Variants in NEGR1 observed in about 807,000 individuals in gnomAD.
The protein encoded by NEGR1 is IgLON family member 4.
Under a neutral mutation model 40.9 loss-of-function variants are expected in NEGR1, and 10 were observed. That is an observed-to-expected ratio of 0.24 (90% confidence interval 0.15 to 0.42). The LOEUF (loss-of-function observed/expected upper bound fraction) is 0.42, where lower values mean the gene tolerates loss of function less well. NEGR1 is among the 10% of genes least tolerant of loss of function. NEGR1 has a pLI of 1.00. For synonymous variants in NEGR1, 185 were observed against 166.8 expected, an observed-to-expected ratio of 1.11 and a Z score of -0.84; for missense variants, 352 against 438.9, an observed-to-expected ratio of 0.80 and a Z score of 1.77.
At chr1:72,253,352 A>G (rs1382667752) in intron 1 of NEGR1, among the ~76,000 whole-genome samples, 1 of 152,220 alleles carries the variant, frequency 6.6e-6, no homozygotes, top group Non-Finnish European at 1.5e-5. Flanking sequence ...GATGCCCAGA[A>G]GCTCAGGCAG....
At chr1:71,943,281 A>G (rs1229764592) in intron 1 of NEGR1, among the ~76,000 whole-genome samples, 1 of 150,100 alleles carries the variant, frequency 6.7e-6, no homozygotes, top group Non-Finnish European at 1.5e-5. Context: ...ACATATATAC[A>G]CATGTATCAT....
At chr1:71,864,873 A>C (rs916044621) in intron 2 of NEGR1, among the ~76,000 whole-genome samples, 5 of 152,218 alleles carry the variant, frequency 3.3e-5, no homozygotes, top group Non-Finnish European at 7.3e-5. Flanking sequence ...GGCTTTATAC[A>C]GCAAGTTGAA....
At chr1:71,594,974 T>C (rs1253370318) in intron 5 of NEGR1, among the ~76,000 whole-genome samples, 2 of 152,246 alleles carry the variant, frequency 1.3e-5, no homozygotes, top group Non-Finnish European at 2.9e-5. Context: ...GGCCTTCAAC[T>C]GGCTAGACCC....
chr1:72,129,871 C>T (rs940825963), intron 1 of NEGR1, among the ~76,000 whole-genome samples: 3 of 152,108 alleles, frequency 2.0e-5, no homozygotes, highest in African/African-American at 7.2e-5. Flanking sequence ...CAAAATACAA[C>T]CACTTTTCAC....
intron 2 of NEGR1, among the ~76,000 whole-genome samples, chr1:71,808,886 A>G (rs1432218791): frequency 1.3e-5 from 2 of 152,164 alleles, no homozygotes; most frequent in Admixed American, 6.6e-5. Context: ...CATAAATGAC[A>G]CTAACAACAC....
At chr1:72,159,589 A>T in intron 1 of NEGR1, among the ~76,000 whole-genome samples, 1 of 152,154 alleles carries the variant, frequency 6.6e-6, no homozygotes, top group East Asian at 1.9e-4. Context: ...CACAAATTAA[A>T]ATATTTGGTT....
chr1:71,879,152 C>G (rs1365043859), intron 2 of NEGR1, among the ~76,000 whole-genome samples: 1 of 149,428 alleles, frequency 6.7e-6, no homozygotes, highest in African/African-American at 2.5e-5. Flanking sequence ...AAAAAAATAG[C>G]AACAAGGATA....
At chr1:72,072,640 G>A (rs1647517325) in intron 1 of NEGR1, among the ~76,000 whole-genome samples, 1 of 152,096 alleles carries the variant, frequency 6.6e-6, no homozygotes, top group Non-Finnish European at 1.5e-5. Flanking sequence ...TAATGGGTTT[G>A]ATCTAGCCTC....
Position 71,992,091 on chromosome 1 carries a change from G to A in NEGR1, c.177-56780C>T, listed in dbSNP as rs140517751. Among the ~76,000 whole-genome samples, 505 of 152,004 alleles carry A rather than the reference G, an allele frequency of 3.3e-3. 6 individuals carry two copies. The highest frequency in any genetic ancestry group is 0.011 in the African/African-American group (465 of 41,456). On this transcript the variant is annotated intron_variant, in intron 1 of 6. Coordinates refer to ENST00000357731, the MANE Select transcript of NEGR1 (RefSeq NM_173808.3). ...ATTACAGGTGTGAGCCGCTGTGCCC[G>A]GGCATGAGTTTACTATTAAATATAT...
Position 71,476,372 on chromosome 1 carries a change from C to G in NEGR1, c.941-68802G>C, listed in dbSNP as rs148889422. The stretch of plus-strand genomic sequence containing the variant: ...CAATATATGACTATTCACATTTTAT[C>G]TGGTGTGTAAATAATGTAACCTTTT... On this transcript the variant is annotated intron_variant, in intron 6 of 6. Transcript: ENST00000357731. 3.0e-4 allele frequency among the ~76,000 whole-genome samples: 46 copies of G among 152,200 alleles called. No homozygotes were observed. In the Middle Eastern group the frequency reaches 0.01, roughly 34 times the overall value.
chr1:71,429,432 T>C (rs1007563750), intron 6 of NEGR1, among the ~76,000 whole-genome samples: 2 of 152,204 alleles, frequency 1.3e-5, no homozygotes, highest in African/African-American at 2.4e-5. Flanking sequence ...AAAATCCTTA[T>C]TGATAAAAGA....
chr1:72,128,621 G>T (rs983523383), intron 1 of NEGR1, among the ~76,000 whole-genome samples: 1 of 152,038 alleles, frequency 6.6e-6, no homozygotes, highest in Non-Finnish European at 1.5e-5. Flanking sequence ...ATTTTACAAA[G>T]AGTCATAAAT....
intron 3 of NEGR1, among the ~76,000 whole-genome samples, chr1:71,720,703 T>C (rs1022024129): frequency 6.6e-6 from 1 of 152,142 alleles, no homozygotes; most frequent in Non-Finnish European, 1.5e-5. Context: ...AAGGAACTCA[T>C]AGCGAGAGAA....
intron 1 of NEGR1, among the ~76,000 whole-genome samples, chr1:72,232,770 T>A (rs1474976953): frequency 2.0e-5 from 3 of 152,132 alleles, no homozygotes; most frequent in Non-Finnish European, 4.4e-5. Context: ...TAAAACAATA[T>A]AGGTCATTAG....
intron 3 of NEGR1, among the ~76,000 whole-genome samples, chr1:71,705,879 G>T (rs982483489): frequency 6.6e-6 from 1 of 151,838 alleles, no homozygotes; most frequent in Non-Finnish European, 1.5e-5. Context: ...AAGGAAGGAA[G>T]CAAGGAAGGA....
At chr1:71,513,868 CACCGTGCGCGA>C (rs772091865) in intron 6 of NEGR1, among the ~76,000 whole-genome samples, 18 of 148,994 alleles carry the variant, frequency 1.2e-4, no homozygotes, top group Non-Finnish European at 2.5e-4. Context: ...TGTGTGTGCG[CACCGTGCGCGA>C]GCCGAAGCAG....
intron 6 of NEGR1, among the ~76,000 whole-genome samples, chr1:71,489,089 C>T (rs1264451393): frequency 6.6e-6 from 1 of 151,632 alleles, no homozygotes; most frequent in East Asian, 1.9e-4. Context: ...ACTTCTTCCT[C>T]ATTGTATGTA....
intron 4 of NEGR1, among the ~76,000 whole-genome samples, chr1:71,625,762 C>A (rs1650753500): frequency 6.6e-6 from 1 of 151,842 alleles, no homozygotes; most frequent in Admixed American, 6.6e-5. Flanking sequence ...TGGACCACTG[C>A]TGGACATATC....
At chr1:71,934,243 A>G (rs1335198883) in intron 2 of NEGR1, among the ~76,000 whole-genome samples, 1 of 152,134 alleles carries the variant, frequency 6.6e-6, no homozygotes, top group Non-Finnish European at 1.5e-5. Context: ...AACGTTTTCC[A>G]TTCTCCTAGC....
Sources: allele counts gnomAD v4.1 joint callset (sites outside exome capture counted in the v4.1 genomes callset), GRCh38; gene constraint gnomAD v4.1.1; transcripts MANE v1.5; gene names NCBI Gene and HGNC (gene_info 2026-07-23, HGNC 2026-07-21).